The following CREB1 variants were observed in gnomAD, a reference collection of about 807,000 sequenced individuals.
CREB1 encodes the protein cyclic AMP-responsive element-binding protein 1.
A neutral mutation model predicts 42.0 loss-of-function variants in CREB1; 2 were observed. The ratio of observed to expected loss-of-function variants is 0.05; its 90% CI spans 0.02 to 0.15. CREB1 has a LOEUF of 0.15. Ranked by LOEUF, CREB1 falls within the 10% of genes least tolerant of loss-of-function variation. CREB1 has a pLI of 1.00. For synonymous variants in CREB1, 123 were observed against 139.9 expected (o/e 0.88, Z 0.85); for missense variants, 199 against 388.9 (o/e 0.51, Z 4.11).
intron 2 of CREB1, among the ~76,000 whole-genome samples, chr2:207,557,974 G>A (rs978997564): frequency 2.6e-5 from 4 of 152,148 alleles, no homozygotes; most frequent in Non-Finnish European, 2.9e-5. Flanking sequence ...CTCTGAATAA[G>A]GTTATGGTTC....
At chr2:207,532,364 G>C (rs1364029190) in intron 1 of CREB1, among the ~76,000 whole-genome samples, 1 of 151,444 alleles carries the variant, frequency 6.6e-6, no homozygotes, top group African/African-American at 2.4e-5. Flanking sequence ...CTCTTCATTT[G>C]TGAGATTTTT....
intron 5 of CREB1, among the ~76,000 whole-genome samples, chr2:207,573,812 A>G (rs1002492775): frequency 1.3e-5 from 2 of 152,192 alleles, no homozygotes; most frequent in East Asian, 1.9e-4. Context: ...ATGGTTTACT[A>G]TTTCTTTCTT....
chr2:207,592,170 G>C (rs979765311), intron 7 of CREB1, among the ~76,000 whole-genome samples: 2 of 152,090 alleles, frequency 1.3e-5, no homozygotes, highest in Non-Finnish European at 1.5e-5. Context: ...TGTCACTTAA[G>C]GCTGAGGTAG....
At chr2:207,545,437 C>A (rs955221941) in intron 1 of CREB1, among the ~76,000 whole-genome samples, 5 of 152,098 alleles carry the variant, frequency 3.3e-5, no homozygotes, top group African/African-American at 1.2e-4. Context: ...GAACTTCTCA[C>A]CTCAAGTGAT....
Position 207,597,571 on chromosome 2 carries a change from C to T in CREB1, c.*513C>T, listed in dbSNP as rs963228705. 7 of 209,872 alleles carry T rather than the reference C, an allele frequency of 3.3e-5. No homozygotes were observed. The highest frequency in any genetic ancestry group is 1.6e-4 in the African/African-American group (7 of 43,972). The allele number at this position is 209,872 out of a possible 1,614,324, so 13.0% of individuals were successfully genotyped here. On this transcript the variant is annotated 3_prime_UTR_variant, in exon 8 of 8. Coordinates refer to ENST00000353267, the MANE Select transcript of CREB1 (RefSeq NM_004379.5). ...TGAATTATGTAAAGTTGTTAAGAGA[C>T]ATACCCTCTAAAAAAGAACTTTAGC...
chr2:207,572,407 T>C (rs2082403224), intron 5 of CREB1, among the ~76,000 whole-genome samples: 1 of 152,204 alleles, frequency 6.6e-6, no homozygotes, highest in Non-Finnish European at 1.5e-5. Flanking sequence ...GCAACATTTA[T>C]ATTTCTTAAC....
chr2:207,582,893 AAAAAC>A, intron 7 of CREB1: 3 of 295,364 alleles, frequency 1.0e-5, no homozygotes, highest in South Asian at 8.4e-5. Context: ...TCTGTCTCAA[AAAAAC>A]AAACAAACAA....
intron 1 of CREB1, 50 bp from the exon 2 acceptor site, chr2:207,555,578 G>A (rs571559288): frequency 1.2e-5 from 15 of 1,235,160 alleles, no homozygotes; most frequent in Middle Eastern, 1.9e-4. Context: ...TTAAAGTCAC[G>A]AAAGCACAAA....
chr2:207,588,895 G>C (rs1203895989), intron 7 of CREB1, among the ~76,000 whole-genome samples: 1 of 143,672 alleles, frequency 7.0e-6, no homozygotes, highest in Non-Finnish European at 1.5e-5. Context: ...TTGTCGGGGG[G>C]GGTGTAGATT....
In CREB1 at chr2:207,530,295, G is replaced by T. The variant is rs1173633874; in HGVS notation, c.-9+161G>T. ...GAGCCCCACAACATCGCCGCCGCTCGCAGCGAACAAAGAATAATGGCGGCG... is the reference window on the plus strand; with the variant it reads ...GAGCCCCACAACATCGCCGCCGCTCTCAGCGAACAAAGAATAATGGCGGCG... On this transcript the variant is annotated intron_variant, in intron 1 of 7. Coordinates refer to ENST00000353267, the MANE Select transcript of CREB1 (RefSeq NM_004379.5). Among the ~76,000 whole-genome samples the T allele has an allele frequency of 2.0e-5, 3 of 151,822 alleles. 1 individual carries two copies. Among genetic ancestry groups the T allele is most frequent in the African/African-American group, 7.2e-5 (3 of 41,394 alleles).
chr2:207,582,906 CA>C, intron 7 of CREB1: 1 of 283,076 alleles, frequency 3.5e-6, no homozygotes, highest in South Asian at 3.1e-5. Context: ...AACAAACAAA[CA>C]AACAAAAAAA....
chr2:207,604,128 G>A lies in CREB1; in HGVS notation c.*7070G>A, dbSNP rs962993582. Among the ~76,000 whole-genome samples, 6 of 152,150 alleles carry A rather than the reference G, an allele frequency of 3.9e-5. No homozygotes were observed. The highest frequency in any genetic ancestry group is 8.8e-5 in the Non-Finnish European group (6 of 68,020). On this transcript the variant is annotated 3_prime_UTR_variant, in exon 8 of 8. Coordinates refer to ENST00000353267, the MANE Select transcript of CREB1 (RefSeq NM_004379.5). Reference sequence around the variant, plus strand: ...GGATTGTTCTAAGCAAATCGGAATCGGGTCACCCTGCCACGTTCAGGTGCT... The same window carrying A: ...GGATTGTTCTAAGCAAATCGGAATCAGGTCACCCTGCCACGTTCAGGTGCT...
chr2:207,594,904 T>G (rs987907271), intron 7 of CREB1, among the ~76,000 whole-genome samples: 9 of 152,126 alleles, frequency 5.9e-5, no homozygotes, highest in Non-Finnish European at 8.8e-5. Flanking sequence ...TGGTGGTGGT[T>G]TTTTGATAGT....
intron 1 of CREB1, among the ~76,000 whole-genome samples, chr2:207,543,350 G>A (rs1464503288): frequency 2.0e-5 from 3 of 152,142 alleles, no homozygotes; most frequent in Non-Finnish European, 4.4e-5. Flanking sequence ...TTATTATAAT[G>A]ACTGCGATGG....
chr2:207,568,362 TTATGTTA>T (rs1300482557), intron 4 of CREB1, among the ~76,000 whole-genome samples: 1 of 152,124 alleles, frequency 6.6e-6, no homozygotes, highest in East Asian at 1.9e-4. Flanking sequence ...TATTACCAGT[TTATGTTA>T]TATGTATTTA....
At chr2:207,551,037 C>T (rs1023039652) in intron 1 of CREB1, among the ~76,000 whole-genome samples, 1 of 152,198 alleles carries the variant, frequency 6.6e-6, no homozygotes, top group Admixed American at 6.5e-5. Flanking sequence ...TTATCAGCCA[C>T]TACTTGCTCA....
intron 1 of CREB1, among the ~76,000 whole-genome samples, chr2:207,547,952 A>G (rs1458097749): frequency 3.3e-5 from 5 of 151,502 alleles, no homozygotes; most frequent in Admixed American, 3.3e-4. Context: ...TTAAATTGAG[A>G]TGGAGTCTCA....
intron 1 of CREB1, among the ~76,000 whole-genome samples, chr2:207,541,885 T>G (rs2081112139): frequency 6.6e-6 from 1 of 152,232 alleles, no homozygotes; most frequent in Non-Finnish European, 1.5e-5. Context: ...GGCAACCACC[T>G]ATCACCTTTG....
intron 7 of CREB1, among the ~76,000 whole-genome samples, chr2:207,589,716 C>T (rs755365886): frequency 8.5e-5 from 13 of 152,202 alleles, no homozygotes; most frequent in Admixed American, 2.0e-4. Context: ...CTGAGGTGAT[C>T]GTGTTGTTTC....
Sources: allele counts gnomAD v4.1 joint callset (sites outside exome capture counted in the v4.1 genomes callset), GRCh38; gene constraint gnomAD v4.1.1; transcripts MANE v1.5; gene names NCBI Gene and HGNC (gene_info 2026-07-23, HGNC 2026-07-21).